Variants in RAP1GDS1 observed in about 807,000 individuals in gnomAD.
The protein encoded by RAP1GDS1 is Rap1 GTPase-GDP dissociation stimulator 1.
Under a neutral mutation model 71.1 loss-of-function variants are expected in RAP1GDS1, and 35 were observed. The ratio of observed to expected loss-of-function variants is 0.49; its 90% CI spans 0.38 to 0.65. The LOEUF (loss-of-function observed/expected upper bound fraction) is 0.65, where lower values mean the gene tolerates loss of function less well. RAP1GDS1 is among the 30% of genes least tolerant of loss of function. The pLI, the probability that RAP1GDS1 is intolerant of heterozygous loss-of-function variation, is 0.00. For synonymous variants in RAP1GDS1, 229 were observed against 243.1 expected, an observed-to-expected ratio of 0.94 and a Z score of 0.54; for missense variants, 663 against 706.1, an observed-to-expected ratio of 0.94 and a Z score of 0.69.
chr4:98,404,438 G>A, intron 6 of RAP1GDS1, 39 bp from the exon 7 acceptor site: 1 of 1,535,456 alleles, frequency 6.5e-7, no homozygotes, highest in Non-Finnish European at 8.7e-7. Flanking sequence ...ACAGTTTCTG[G>A]ACTTTATTTG....
At chr4:98,345,555 A>G (rs114121962) in intron 3 of RAP1GDS1, among the ~76,000 whole-genome samples, 11,343 of 149,792 alleles carry the variant, frequency 0.076, 462 homozygotes, top group Admixed American at 0.14. Flanking sequence ...ATATGAGGCA[A>G]AGGACAAATA....
In RAP1GDS1 at chr4:98,264,282, G is replaced by A. The variant is rs375297461; in HGVS notation, c.4+2713G>A. 4.0e-4 allele frequency among the ~76,000 whole-genome samples: 61 copies of A among 152,216 alleles called. No individual in the cohort carries two copies. The East Asian group carries it at 7.9e-3, about 20-fold the overall frequency. ...GTGGTGGCGGGCGCCTGTAATCCCA[G>A]CTGTTTGGGAGGCTGAGGCAGGAGA... On this transcript the variant is annotated intron_variant, in intron 1 of 14. Coordinates refer to ENST00000408927, the MANE Select transcript of RAP1GDS1 (RefSeq NM_001100427.2).
chr4:98,289,819 A>G (rs1005413973), intron 1 of RAP1GDS1, among the ~76,000 whole-genome samples: 6 of 152,112 alleles, frequency 3.9e-5, no homozygotes, highest in Admixed American at 3.9e-4. Flanking sequence ...ACTTAATGCC[A>G]TTCATTTTGA....
intron 2 of RAP1GDS1, among the ~76,000 whole-genome samples, chr4:98,335,685 A>G (rs1276243856): frequency 2.0e-5 from 3 of 152,046 alleles, no homozygotes; most frequent in Non-Finnish European, 2.9e-5. Context: ...ATGTTCTTTT[A>G]GAATGCTAGA....
At chr4:98,437,452 A>G (rs1444083753) in intron 14 of RAP1GDS1, among the ~76,000 whole-genome samples, 1 of 152,210 alleles carries the variant, frequency 6.6e-6, no homozygotes, top group Admixed American at 6.5e-5. Flanking sequence ...ATGTTATTTT[A>G]TAGCAGGCAC....
intron 3 of RAP1GDS1, 52 bp from the exon 4 acceptor site, chr4:98,352,424 A>G: frequency 1.3e-6 from 2 of 1,577,664 alleles, no homozygotes; most frequent in South Asian, 2.2e-5. Context: ...GAGATGATTT[A>G]TGTAAATTGT....
At position 98,389,492 on chromosome 4, in the gene RAP1GDS1, A is replaced by G. The variant is rs1743279322; in HGVS notation, c.509-2460A>G. On this transcript the variant is annotated intron_variant, in intron 5 of 14. Coordinates refer to ENST00000408927, the MANE Select transcript of RAP1GDS1 (RefSeq NM_001100427.2). ...AGTGAGTTCATCCAACTGGATGGCT[A>G]TATATTTTTCTCTTTTGTGTGGTAT... Among the ~76,000 whole-genome samples, 4 of 152,132 alleles carry G rather than the reference A, an allele frequency of 2.6e-5. No homozygotes were observed. The South Asian group carries it at 6.2e-4, about 24-fold the overall frequency.
chr4:98,384,928 T>C (rs1742520129), intron 5 of RAP1GDS1, among the ~76,000 whole-genome samples: 1 of 151,730 alleles, frequency 6.6e-6, no homozygotes, highest in Non-Finnish European at 1.5e-5. Context: ...TAATACCACA[T>C]AGATGCCCAC....
At chr4:98,378,940 C>CTGTTA in intron 4 of RAP1GDS1, 77 bp from the exon 5 acceptor site, 1 of 1,280,612 alleles carries the variant, frequency 7.8e-7, no homozygotes, top group Non-Finnish European at 1.1e-6. Context: ...AAGAATAACA[C>CTGTTA]TGTTATGTTT....
At chr4:98,344,894 G>A (rs1018689456) in intron 3 of RAP1GDS1, among the ~76,000 whole-genome samples, 1 of 152,118 alleles carries the variant, frequency 6.6e-6, no homozygotes, top group African/African-American at 2.4e-5. Flanking sequence ...GCAGGATCAC[G>A]GTTCACTGCA....
At chr4:98,306,820 G>C (rs182693563) in intron 2 of RAP1GDS1, among the ~76,000 whole-genome samples, 98 of 152,156 alleles carry the variant, frequency 6.4e-4, no homozygotes, top group African/African-American at 2.2e-3. Flanking sequence ...GTCCAAGTGG[G>C]TTCTATTCGC....
At chr4:98,323,029 A>G (rs1246188706) in intron 2 of RAP1GDS1, among the ~76,000 whole-genome samples, 2 of 151,786 alleles carry the variant, frequency 1.3e-5, no homozygotes, top group African/African-American at 2.4e-5. Flanking sequence ...CGCTAGCAAG[A>G]CTAATAAGGA....
chr4:98,310,662 A>G (rs1440721126), intron 2 of RAP1GDS1, among the ~76,000 whole-genome samples: 2 of 152,136 alleles, frequency 1.3e-5, no homozygotes, highest in African/African-American at 2.4e-5. Flanking sequence ...ATGCATGCTG[A>G]TGTTCTTGGA....
intron 4 of RAP1GDS1, among the ~76,000 whole-genome samples, chr4:98,378,735 T>G (rs529699145): frequency 6.6e-6 from 1 of 151,910 alleles, no homozygotes; most frequent in African/African-American, 2.4e-5. Context: ...AGTTTTCATA[T>G]TGTAAACTTC....
At chr4:98,419,938 C>A (rs762386461) in intron 10 of RAP1GDS1, 81 bp from the exon 11 acceptor site, 8 of 1,243,324 alleles carry the variant, frequency 6.4e-6, no homozygotes, top group Non-Finnish European at 8.6e-6. Context: ...CTTAAAGATA[C>A]TTAATAAACC....
chr4:98,317,828 T>TATA (rs201550523), intron 2 of RAP1GDS1, among the ~76,000 whole-genome samples: 59 of 147,940 alleles, frequency 4.0e-4, no homozygotes, highest in East Asian at 2.3e-3. Flanking sequence ...ATATATATAT[T>TATA]TTTTTTTCTT....
At chr4:98,372,292 A>G (rs1166949192) in intron 4 of RAP1GDS1, among the ~76,000 whole-genome samples, 1 of 152,096 alleles carries the variant, frequency 6.6e-6, no homozygotes, top group Non-Finnish European at 1.5e-5. Context: ...CATCATGAAT[A>G]GCTGGGACTA....
intron 4 of RAP1GDS1, among the ~76,000 whole-genome samples, chr4:98,367,945 G>A (rs919199661): frequency 6.6e-6 from 1 of 152,150 alleles, no homozygotes; most frequent in East Asian, 1.9e-4. Flanking sequence ...GAATTTGGGG[G>A]AATGTTGGGA....
Position 98,443,042 on chromosome 4 carries a change from G to GGTT in RAP1GDS1, c.*925_*926insGTT. On this transcript the variant is annotated 3_prime_UTR_variant, in exon 15 of 15. Transcript: ENST00000408927. ...TTTTTTTTTTTTTTTTTTTTTTGCTGTTTTTCATCATTCAGCTAGAAAGTG... is the reference window on the plus strand; with the variant it reads ...TTTTTTTTTTTTTTTTTTTTTTGCTGGTTTTTTTCATCATTCAGCTAGAAAGTG... The GGTT allele has an allele frequency of 3.1e-5, 3 of 96,136 alleles. No individual in the cohort carries two copies. The highest frequency in any genetic ancestry group is 1.2e-4 in the East Asian group (1 of 8,630). The allele number at this position is 96,136 out of a possible 1,614,324, so 6.0% of individuals were successfully genotyped here. A position where few individuals can be genotyped will look rare whatever the true frequency, so the allele number is the denominator to read the frequency against.
Sources: allele counts gnomAD v4.1 joint callset (sites outside exome capture counted in the v4.1 genomes callset), GRCh38; gene constraint gnomAD v4.1.1; transcripts MANE v1.5; gene names NCBI Gene and HGNC (gene_info 2026-07-23, HGNC 2026-07-21).